The following CSMD1 variants were observed in gnomAD, a reference collection of about 807,000 sequenced individuals.
The protein encoded by CSMD1 is CUB and Sushi multiple domains 1.
A neutral mutation model predicts 417.5 loss-of-function variants in CSMD1; 213 were observed. The ratio of observed to expected loss-of-function variants is 0.51; its 90% CI spans 0.46 to 0.57. The LOEUF (loss-of-function observed/expected upper bound fraction) is 0.57, where lower values mean the gene tolerates loss of function less well. Among genes scored for constraint, CSMD1 ranks in the 20% least tolerant of loss-of-function variants. The pLI is 0.00. For synonymous variants in CSMD1, 2,862 were observed against 1,736.8 expected (o/e 1.65, Z -16.11); for missense variants, 6,923 against 4,529.7 (o/e 1.53, Z -15.17).
chr8:4,149,373 A>C (rs897126393), intron 3 of CSMD1, among the ~76,000 whole-genome samples: 9 of 152,226 alleles, frequency 5.9e-5, no homozygotes, highest in African/African-American at 1.9e-4. Flanking sequence ...CTTTGGTATA[A>C]TAAAACCAAT....
At chr8:4,242,126 A>C (rs201577700) in intron 3 of CSMD1, among the ~76,000 whole-genome samples, 1 of 152,238 alleles carries the variant, frequency 6.6e-6, no homozygotes, top group Non-Finnish European at 1.5e-5. Flanking sequence ...TCTAAGAATT[A>C]TATGTCTTTC....
At chr8:3,405,371 C>T (rs1812284144) in intron 15 of CSMD1, among the ~76,000 whole-genome samples, 1 of 152,092 alleles carries the variant, frequency 6.6e-6, no homozygotes, top group Admixed American at 6.6e-5. Context: ...ATATTTTCCT[C>T]TCTATATTTA....
At chr8:3,476,131 C>A (rs1385242505) in intron 11 of CSMD1, among the ~76,000 whole-genome samples, 1 of 152,126 alleles carries the variant, frequency 6.6e-6, no homozygotes, top group Non-Finnish European at 1.5e-5. Flanking sequence ...CTATTTGAGT[C>A]CAGGAGTTCA....
At chr8:4,914,364 C>T (rs1339470793) in intron 1 of CSMD1, among the ~76,000 whole-genome samples, 1 of 152,042 alleles carries the variant, frequency 6.6e-6, no homozygotes, top group Non-Finnish European at 1.5e-5. Flanking sequence ...ATCACGAGGT[C>T]AGGAGATCGA....
At chr8:3,520,393 A>T (rs143902305) in intron 10 of CSMD1, among the ~76,000 whole-genome samples, 36 of 152,332 alleles carry the variant, frequency 2.4e-4, no homozygotes, top group African/African-American at 8.4e-4. Flanking sequence ...CTTCAACCAT[A>T]AAAAGTATAT....
At chr8:3,431,032 G>A (rs762973753) in intron 12 of CSMD1, among the ~76,000 whole-genome samples, 14 of 152,116 alleles carry the variant, frequency 9.2e-5, no homozygotes, top group Admixed American at 9.2e-4. Context: ...AGCAAGATCA[G>A]GAACCCTGCT....
intron 3 of CSMD1, among the ~76,000 whole-genome samples, chr8:4,322,469 G>A (rs74516786): frequency 1.3e-5 from 2 of 152,106 alleles, no homozygotes. Context: ...ATAGCTCTTA[G>A]GGATTAAAAG....
chr8:3,366,821 G>C (rs536011927), intron 20 of CSMD1, among the ~76,000 whole-genome samples: 1 of 152,172 alleles, frequency 6.6e-6, no homozygotes, highest in East Asian at 1.9e-4. Context: ...GTAACACAAA[G>C]TGGCATTTTC....
intron 3 of CSMD1, among the ~76,000 whole-genome samples, chr8:4,262,613 C>A (rs1563354876): frequency 6.6e-6 from 1 of 152,134 alleles, no homozygotes; most frequent in Non-Finnish European, 1.5e-5. Context: ...GACCCTGGAG[C>A]TTCAAACAGC....
At chr8:4,289,181 T>A (rs1460980487) in intron 3 of CSMD1, among the ~76,000 whole-genome samples, 1 of 152,184 alleles carries the variant, frequency 6.6e-6, no homozygotes, top group South Asian at 2.1e-4. Context: ...ATATAACAGT[T>A]TATCGGACAA....
At position 4,419,722 on chromosome 8, in the gene CSMD1, C is replaced by T. The variant is rs143775174; in HGVS notation, c.415+231G>A. ...CTACAAATTAACCAAAACAAAACCC[C>T]AAGAAGAAAAGTTCTAGTGATAAGA... On this transcript the variant is annotated intron_variant, in intron 3 of 69. Coordinates refer to ENST00000635120, the MANE Select transcript of CSMD1 (RefSeq NM_033225.6). Among the ~76,000 whole-genome samples the T allele has an allele frequency of 6.4e-3, 972 of 152,198 alleles. 10 individuals are homozygous for T. The highest frequency in any genetic ancestry group is 0.022 in the African/African-American group (909 of 41,536).
At chr8:4,084,899 AAAAAAC>A (rs1409654377) in intron 3 of CSMD1, among the ~76,000 whole-genome samples, 1 of 152,042 alleles carries the variant, frequency 6.6e-6, no homozygotes, top group Non-Finnish European at 1.5e-5. Context: ...TTTAAAAAAG[AAAAAAC>A]AAAAACAAAA....
At chr8:4,960,743 C>A (rs1168256553) in intron 1 of CSMD1, among the ~76,000 whole-genome samples, 1 of 152,014 alleles carries the variant, frequency 6.6e-6, no homozygotes, top group African/African-American at 2.4e-5. Context: ...ATTGCAAATT[C>A]CTTTATAAGG....
intron 5 of CSMD1, among the ~76,000 whole-genome samples, chr8:3,782,966 T>TA (rs1275583912): frequency 8.5e-5 from 13 of 152,136 alleles, no homozygotes; most frequent in Non-Finnish European, 1.8e-4. Flanking sequence ...AAATTGTAGG[T>TA]ACAGGATTGT....
intron 3 of CSMD1, among the ~76,000 whole-genome samples, chr8:4,354,528 T>G (rs1584946779): frequency 6.6e-6 from 1 of 152,002 alleles, no homozygotes; most frequent in Non-Finnish European, 1.5e-5. Flanking sequence ...CACTTGATGT[T>G]GTGGAAAAGC....
intron 1 of CSMD1, among the ~76,000 whole-genome samples, chr8:4,858,001 C>T (rs545299504): frequency 2.1e-3 from 325 of 152,122 alleles, no homozygotes; most frequent in African/African-American, 7.4e-3. Flanking sequence ...TGAACATTGA[C>T]GCAAAAATCC....
intron 26 of CSMD1, among the ~76,000 whole-genome samples, chr8:3,244,118 T>C (rs969886680): frequency 2.6e-5 from 4 of 152,228 alleles, no homozygotes; most frequent in African/African-American, 9.6e-5. Context: ...GCGCATTACA[T>C]AGACCCTCTG....
chr8:3,350,403 C>G (rs1808340272), intron 21 of CSMD1, among the ~76,000 whole-genome samples: 1 of 151,966 alleles, frequency 6.6e-6, no homozygotes, highest in Non-Finnish European at 1.5e-5. Flanking sequence ...GAAACTGAAG[C>G]ATAGAATAGT....
chr8:4,942,375 C>G (rs1161322181), intron 1 of CSMD1, among the ~76,000 whole-genome samples: 1 of 152,110 alleles, frequency 6.6e-6, no homozygotes, highest in Non-Finnish European at 1.5e-5. Flanking sequence ...TTTGATGTTT[C>G]TTTGCTGAGA....
Sources: allele counts gnomAD v4.1 joint callset (sites outside exome capture counted in the v4.1 genomes callset), GRCh38; gene constraint gnomAD v4.1.1; transcripts MANE v1.5; gene names NCBI Gene and HGNC (gene_info 2026-07-23, HGNC 2026-07-21).